Variants in HEATR5B observed in about 807,000 individuals in gnomAD.
HEATR5B encodes the protein HEAT repeat containing 5B.
HEATR5B carries 156 observed loss-of-function variants against 224.1 expected under a neutral mutation model. That is an observed-to-expected ratio of 0.70 (90% CI 0.61 to 0.80). HEATR5B has a LOEUF of 0.80. Among genes scored for constraint, HEATR5B ranks in the 30% least tolerant of loss-of-function variants. The pLI, the probability that HEATR5B is intolerant of heterozygous loss-of-function variation, is 0.00. For synonymous variants in HEATR5B, 1,027 were observed against 893.0 expected, an observed-to-expected ratio of 1.15 and a Z score of -2.68; for missense variants, 2,323 against 2,535.5, an observed-to-expected ratio of 0.92 and a Z score of 1.80.
chr2:37,013,713 CA>C (rs1207602467), intron 27 of HEATR5B, 127 bp downstream of exon 27: 1 of 632,154 alleles, frequency 1.6e-6, no homozygotes, highest in East Asian at 2.8e-5. Context: ...AACAAATTTT[CA>C]AAAAGTATTC....
At chr2:37,047,927 G>T (rs1376903555) in intron 18 of HEATR5B, among the ~76,000 whole-genome samples, 1 of 152,022 alleles carries the variant, frequency 6.6e-6, no homozygotes, top group Non-Finnish European at 1.5e-5. Context: ...CAGTATAAAA[G>T]AATTAAAATG....
chr2:37,017,157 G>A (rs746068348), intron 26 of HEATR5B, among the ~76,000 whole-genome samples: 23 of 152,146 alleles, frequency 1.5e-4, no homozygotes, highest in African/African-American at 5.1e-4. Context: ...GGCCGGGCAC[G>A]GTGGCTCACC....
chr2:37,080,932 CT>C (rs1672523591), intron 2 of HEATR5B, among the ~76,000 whole-genome samples: 1 of 152,118 alleles, frequency 6.6e-6, no homozygotes, highest in Non-Finnish European at 1.5e-5. Context: ...TGATAACAAT[CT>C]TATTGTTTAA....
At chr2:36,984,834 C>G (rs1665838606) in intron 35 of HEATR5B, among the ~76,000 whole-genome samples, 1 of 152,056 alleles carries the variant, frequency 6.6e-6, no homozygotes, top group Non-Finnish European at 1.5e-5. Context: ...TGGGGAATAT[C>G]AGCTAGGAAA....
chr2:37,039,441 G>A (rs1205873896), intron 20 of HEATR5B, among the ~76,000 whole-genome samples: 4 of 152,040 alleles, frequency 2.6e-5, no homozygotes, highest in Non-Finnish European at 5.9e-5. Context: ...ACTCCAGCCT[G>A]GGCAATAGAT....
intron 3 of HEATR5B, among the ~76,000 whole-genome samples, chr2:37,078,213 T>A (rs1242182158): frequency 6.6e-6 from 1 of 152,190 alleles, no homozygotes; most frequent in Non-Finnish European, 1.5e-5. Flanking sequence ...AATTTACAGA[T>A]AAGAGAGGTT....
rs778262634 is a variant in HEATR5B at position 37,019,759 on chromosome 2, TC to T, written c.4104+49del. ...TTTACACAAGTTAAATTCTAAGATA[TC>T]TATGAATGTATAGAAGACAACTATA... is the stretch of plus-strand genomic sequence containing the variant. On this transcript the variant is annotated intron_variant, in intron 26 of 35. Coordinates refer to ENST00000233099, the MANE Select transcript of HEATR5B (RefSeq NM_019024.3). 2.4e-6 allele frequency: 3 copies of T among 1,248,568 alleles called. No homozygotes were observed. In the Admixed American group the frequency reaches 5.9e-5, roughly 25 times the overall value. The allele number at this position is 1,248,568 out of a possible 1,614,324, so 77.3% of individuals were successfully genotyped here. A position where few individuals can be genotyped will look rare whatever the true frequency, so the allele number is the denominator to read the frequency against.
intron 2 of HEATR5B, among the ~76,000 whole-genome samples, chr2:37,081,937 A>G (rs1395666921): frequency 6.6e-6 from 1 of 151,942 alleles, no homozygotes; most frequent in African/African-American, 2.4e-5. Context: ...GGACCAAACT[A>G]GCCTACAGTG....
intron 33 of HEATR5B, among the ~76,000 whole-genome samples, chr2:36,995,091 T>TTTG (rs1185996906): frequency 7.1e-6 from 1 of 141,184 alleles, no homozygotes; most frequent in African/African-American, 2.7e-5. Flanking sequence ...TTCCTTGTTT[T>TTTG]TTTTTTTTTT....
chr2:37,009,117 G>T (rs1372014024), intron 27 of HEATR5B, among the ~76,000 whole-genome samples: 1 of 151,800 alleles, frequency 6.6e-6, no homozygotes, highest in Non-Finnish European at 1.5e-5. Flanking sequence ...AATTAGCCGG[G>T]CATGGTGGCA....
intron 21 of HEATR5B, among the ~76,000 whole-genome samples, chr2:37,033,012 C>T (rs1296125517): frequency 6.6e-6 from 1 of 151,856 alleles, no homozygotes; most frequent in Non-Finnish European, 1.5e-5. Flanking sequence ...TCCCAAGTAG[C>T]TGGGATTACA....
At chr2:37,006,363 A>G (rs1667414632) in intron 29 of HEATR5B, among the ~76,000 whole-genome samples, 1 of 152,202 alleles carries the variant, frequency 6.6e-6, no homozygotes, top group East Asian at 1.9e-4. Context: ...AAAAGCATCT[A>G]TAGCTGGGTG....
chr2:37,070,380 A>T lies in HEATR5B; in HGVS notation c.777T>A (p.Arg259=), dbSNP rs1671835235. 6.2e-7 allele frequency: 1 copy of T among 1,612,288 alleles called. No homozygotes were observed. Residue 259 remains arginine (R), a synonymous_variant, in exon 7 of 36, where the codon CGT becomes CGA. Transcript: ENST00000233099. ...ALMPKQATVM[R]QNVKRATFDE... The stretch of plus-strand genomic sequence containing the variant: ...CAAATGTTGCTCGCTTCACATTCTG[A>T]CGCATTACTTTCAAGAAGAAAAATT...
intron 8 of HEATR5B, 37 bp downstream of exon 8, chr2:37,068,644 T>C (rs754926396): frequency 3.1e-6 from 5 of 1,599,150 alleles, no homozygotes; most frequent in East Asian, 2.2e-5. Flanking sequence ...ACTAAATGAC[T>C]AAGGTAATCA....
At chr2:37,002,241 CA>C in intron 32 of HEATR5B, 64 bp downstream of exon 32, 1 of 1,557,486 alleles carries the variant, frequency 6.4e-7, no homozygotes, top group South Asian at 1.1e-5. Flanking sequence ...TGCTTAAAAT[CA>C]AAGGCAAGCT....
intron 2 of HEATR5B, among the ~76,000 whole-genome samples, chr2:37,081,859 G>C (rs147159191): frequency 2.5e-4 from 38 of 152,022 alleles, no homozygotes; most frequent in African/African-American, 8.4e-4. Flanking sequence ...ATACTCTTCA[G>C]ACACGACAGT....
intron 18 of HEATR5B, among the ~76,000 whole-genome samples, chr2:37,047,132 C>G (rs1670254265): frequency 1.3e-5 from 2 of 148,336 alleles, no homozygotes; most frequent in Admixed American, 1.4e-4. Flanking sequence ...CTGCTTTAGC[C>G]AAGGAGTTTG....
intron 7 of HEATR5B, among the ~76,000 whole-genome samples, chr2:37,069,175 TGA>T (rs1409998445): frequency 6.6e-6 from 1 of 152,092 alleles, no homozygotes; most frequent in Non-Finnish European, 1.5e-5. Flanking sequence ...GGGACAGCAG[TGA>T]GAGGGAAGGG....
intron 11 of HEATR5B, among the ~76,000 whole-genome samples, chr2:37,061,593 A>G (rs547576963): frequency 4.8e-4 from 73 of 152,310 alleles, no homozygotes; most frequent in African/African-American, 1.7e-3. Context: ...TACCAATTAA[A>G]TGTGACTTTA....
Sources: allele counts gnomAD v4.1 joint callset (sites outside exome capture counted in the v4.1 genomes callset), GRCh38; gene constraint gnomAD v4.1.1; transcripts MANE v1.5; gene names NCBI Gene and HGNC (gene_info 2026-07-23, HGNC 2026-07-21).